Variants in MYLK3 observed in about 807,000 individuals in gnomAD.
MYLK3 encodes MLC kinase.
Under a neutral mutation model 76.3 loss-of-function variants are expected in MYLK3, and 55 were observed. The ratio of observed to expected loss-of-function variants is 0.72; its 90% CI spans 0.58 to 0.90. The LOEUF is 0.90. MYLK3 is among the 40% of genes least tolerant of loss of function. MYLK3 has a pLI of 0.00. For missense variants in MYLK3, 973 were observed against 1,053.6 expected, an observed-to-expected ratio of 0.92 and a Z score of 1.06; for synonymous variants, 416 against 425.4, an observed-to-expected ratio of 0.98 and a Z score of 0.27.
Position 46,707,741 on chromosome 16 carries a change from G to A in MYLK3, c.2423C>T (p.Ala808Val). The change falls in exon 13 of 13, where the codon GCT (alanine) becomes GTT (valine). Residue 808 changes from alanine (A) to valine (V), a missense_variant. Physicochemically the swap from Ala to Val is moderately conservative, Grantham distance 64. This residue lies in a region of MYLK3 where 332 missense variants were observed against 416.6 expected (regional missense o/e 0.80). Transcript: ENST00000394809. ...KWKKHFYVVTAANRLRKFPTS... is the reference protein window; with the variant it reads ...KWKKHFYVVTVANRLRKFPTS... ...TGGAAATTTCCTTAACCTGTTGGCA[G>A]CAGTCACCACATAGAAATGTTTCTT... 2.1e-5 allele frequency: 34 copies of A among 1,612,866 alleles called. No homozygotes were observed. The highest frequency in any genetic ancestry group is 2.8e-5 in the Non-Finnish European group (33 of 1,178,952).
chr16:46,748,157 C>A lies in MYLK3; in HGVS notation c.37G>T (p.Gly13Trp). Residue 13 changes from glycine (G) to tryptophan (W), a missense_variant, in exon 1 of 13, where the codon GGG becomes TGG. Around this residue, in one of 2 missense-constraint regions of MYLK3, gnomAD observed 641 missense variants for 637.0 expected, o/e 1.01. Transcript: ENST00000394809. This position sits in a 1 kb window ranked among gnomAD's most constrained non-coding sequence, Gnocchi z 4.3. ...CAGGTCTTGCCCAACCCTGGCAGCCCCCCATGCCCCAGACTCTCCTTGGAG... is the reference window on the plus strand; with the variant it reads ...CAGGTCTTGCCCAACCCTGGCAGCCACCCATGCCCCAGACTCTCCTTGGAG... Reference protein sequence around the residue: ...GTSKESLGHGGLPGLGKTCLT... With the variant: ...GTSKESLGHGWLPGLGKTCLT... 6.2e-7 allele frequency: 1 copy of A among 1,614,076 alleles called. No homozygotes were observed. Among genetic ancestry groups the A allele is most frequent in the Non-Finnish European group, 8.5e-7 (1 of 1,179,980 alleles).
intron 4 of MYLK3, among the ~76,000 whole-genome samples, chr16:46,731,316 T>G (rs1338058873): frequency 6.6e-6 from 1 of 152,206 alleles, no homozygotes; most frequent in Non-Finnish European, 1.5e-5. Flanking sequence ...AAAGGTTTGC[T>G]TGTTTGTTTG....
chr16:46,724,664 C>A (rs1250851824), intron 8 of MYLK3, among the ~76,000 whole-genome samples: 4 of 152,210 alleles, frequency 2.6e-5, no homozygotes, highest in Non-Finnish European at 4.4e-5. Flanking sequence ...ACATATCTAA[C>A]CTTACATTAG....
chr16:46,732,526 G>C lies in MYLK3; in HGVS notation c.1144C>G (p.Leu382Val). The C allele has an allele frequency of 1.2e-6, 2 of 1,603,886 alleles. No homozygotes were observed. The highest frequency in any genetic ancestry group is 1.7e-6 in the Non-Finnish European group (2 of 1,179,804). ...KQGPPGTGRC[L>V]QAPGTEPGEQ... ...CCGGGCTCAGTCCCAGGGGCTTGGA[G>C]GCAGCGCCCGGTCCCAGGTGGGCCC... is the stretch of plus-strand genomic sequence containing the variant. The change falls in exon 4 of 13, where the codon CTC becomes GTC. Residue 382 changes from leucine (L) to valine (V), a missense_variant. By Grantham distance (32) the Leu-to-Val change is conservative. Coordinates refer to ENST00000394809, the MANE Select transcript of MYLK3 (RefSeq NM_182493.3).
At chr16:46,741,802 G>A (rs182433946) in intron 1 of MYLK3, among the ~76,000 whole-genome samples, 2 of 146,842 alleles carry the variant, frequency 1.4e-5, no homozygotes, top group Admixed American at 6.8e-5. Flanking sequence ...ACAGAGTCTC[G>A]CTCTGTTGTC....
At chr16:46,744,078 G>C (rs1354266590) in intron 1 of MYLK3, among the ~76,000 whole-genome samples, 1 of 152,082 alleles carries the variant, frequency 6.6e-6, no homozygotes, top group Non-Finnish European at 1.5e-5. Flanking sequence ...TGTCACCCAG[G>C]CTGGAGTGCA....
intron 1 of MYLK3, among the ~76,000 whole-genome samples, chr16:46,741,110 C>T (rs1451843812): frequency 6.6e-6 from 1 of 152,204 alleles, no homozygotes; most frequent in African/African-American, 2.4e-5. Flanking sequence ...GGCCAAGATC[C>T]TTAAATTCTC....
chr16:46,755,960 T>C (rs1967195584), intron 1 of MYLK3, among the ~76,000 whole-genome samples: 1 of 136,538 alleles, frequency 7.3e-6, no homozygotes, highest in South Asian at 2.3e-4. Context: ...CAGGCTGGAG[T>C]GCAGTGGCGC....
At chr16:46,730,490 G>C in intron 5 of MYLK3, 103 bp downstream of exon 5, 1 of 930,934 alleles carries the variant, frequency 1.1e-6, no homozygotes. Flanking sequence ...ATCAGCTCGA[G>C]AGAGAGTCAT....
intron 3 of MYLK3, among the ~76,000 whole-genome samples, chr16:46,735,859 C>A (rs192438005): frequency 1.3e-5 from 2 of 152,332 alleles, no homozygotes; most frequent in East Asian, 1.9e-4. Context: ...TGAAGTGAAG[C>A]CCCTAAAGGC....
chr16:46,732,995 C>G (rs1966855869), intron 3 of MYLK3, among the ~76,000 whole-genome samples: 1 of 152,194 alleles, frequency 6.6e-6, no homozygotes, highest in African/African-American at 2.4e-5. Context: ...TTCCCTTTCA[C>G]TTAAATGAAG....
In MYLK3 at chr16:46,709,572, C is replaced by T; in HGVS notation, c.2367G>A (p.Leu789=). 1 of 1,613,974 alleles carries T rather than the reference C, an allele frequency of 6.2e-7. No homozygotes were observed. Among genetic ancestry groups the T allele is most frequent in the Non-Finnish European group, 8.5e-7 (1 of 1,180,004 alleles). ...TTCTTTGAGCTATGTATTTCTGCAGCAGTAGTTGGGATTTGAGACGAGTTT... is the reference window on the plus strand; with the variant it reads ...TTCTTTGAGCTATGTATTTCTGCAGTAGTAGTTGGGATTTGAGACGAGTTT... The part of the protein sequence containing the change: ...RSKTRLKSQL[L]LQKYIAQRKW... The change falls in exon 12 of 13, where the codon CTG becomes CTA. Residue 789 remains leucine (L), a synonymous_variant. Transcript: ENST00000394809.
upstream of MYLK3, among the ~76,000 whole-genome samples, chr16:46,750,316 C>A (rs1318483211): frequency 6.6e-6 from 1 of 152,232 alleles, no homozygotes. Flanking sequence ...GAGAGGCAGA[C>A]CCTGGTCTCT....
chr16:46,732,530 G>C lies in MYLK3; in HGVS notation c.1140C>G (p.Arg380=). 1 of 1,603,644 alleles carries C rather than the reference G, an allele frequency of 6.2e-7. No individual in the cohort carries two copies. The highest frequency in any genetic ancestry group is 8.5e-7 in the Non-Finnish European group (1 of 1,179,788). Residue 380 remains arginine, a synonymous_variant, in exon 4 of 13, where the codon CGC becomes CGG. Coordinates refer to ENST00000394809, the MANE Select transcript of MYLK3 (RefSeq NM_182493.3). ...PGKQGPPGTG[R]CLQAPGTEPG... is the part of the protein sequence containing the mutation. ...GCTCAGTCCCAGGGGCTTGGAGGCA[G>C]CGCCCGGTCCCAGGTGGGCCCTGCT...
intron 1 of MYLK3, among the ~76,000 whole-genome samples, chr16:46,741,677 C>G (rs1284489041): frequency 6.6e-6 from 1 of 152,212 alleles, no homozygotes; most frequent in Non-Finnish European, 1.5e-5. Flanking sequence ...ACCTGGGGGC[C>G]CAGCCAGGGC....
At chr16:46,730,088 G>A (rs1308424179) in intron 5 of MYLK3, among the ~76,000 whole-genome samples, 1 of 147,388 alleles carries the variant, frequency 6.8e-6, no homozygotes, top group Non-Finnish European at 1.5e-5. Flanking sequence ...GCACCCCAGG[G>A]AACATCTCCT....
intron 2 of MYLK3, among the ~76,000 whole-genome samples, chr16:46,738,675 G>C (rs1966886016): frequency 6.6e-6 from 1 of 152,266 alleles, no homozygotes; most frequent in African/African-American, 2.4e-5. Flanking sequence ...AAGGGAGCAT[G>C]TGTGAGTGTG....
In MYLK3 at chr16:46,732,488, A is replaced by G. The variant is rs1372451561; in HGVS notation, c.1182T>C (p.Pro394=). Residue 394 remains proline, a synonymous_variant, in exon 4 of 13, where the codon CCT becomes CCC. Transcript: ENST00000394809. ...GCGGGGAGAGCTCTCTGGCTCCTTC[A>G]GGGGTCTGTTCTCCGGGCTCAGTCC... ...APGTEPGEQT[P]EGARELSPLQ... 2 of 1,608,998 alleles carry G rather than the reference A, an allele frequency of 1.2e-6. No individual in the cohort carries two copies.
chr16:46,719,624 G>A (rs1389633459), intron 9 of MYLK3, among the ~76,000 whole-genome samples: 1 of 152,234 alleles, frequency 6.6e-6, no homozygotes, highest in East Asian at 1.9e-4. Context: ...GGGTGATGGT[G>A]AAGGGAGCCA....
Sources: allele counts gnomAD v4.1 joint callset (sites outside exome capture counted in the v4.1 genomes callset), GRCh38; gene constraint gnomAD v4.1.1; regional missense constraint gnomAD v4.1.1; non-coding constraint Gnocchi (gnomAD v3.1); transcripts MANE v1.5; gene names NCBI Gene and HGNC (gene_info 2026-07-23, HGNC 2026-07-21).